The following SNTG1 variants were observed in gnomAD, a reference collection of about 807,000 sequenced individuals.
SNTG1 encodes the protein syntrophin gamma 1.
A neutral mutation model predicts 74.7 loss-of-function variants in SNTG1; 39 were observed. The ratio of observed to expected loss-of-function variants is 0.52; its 90% CI spans 0.40 to 0.68. The LOEUF (loss-of-function observed/expected upper bound fraction) is 0.68, where lower values mean the gene tolerates loss of function less well. Among genes scored for constraint, SNTG1 ranks in the 30% least tolerant of loss-of-function variants. SNTG1 has a pLI of 0.00. For missense variants in SNTG1, 685 were observed against 609.5 expected, an observed-to-expected ratio of 1.12 and a Z score of -1.30; for synonymous variants, 254 against 217.1, an observed-to-expected ratio of 1.17 and a Z score of -1.49.
chr8:50,338,667 T>C (rs936226982), intron 2 of SNTG1, among the ~76,000 whole-genome samples: 1 of 152,064 alleles, frequency 6.6e-6, no homozygotes, highest in African/African-American at 2.4e-5. Context: ...ATTATTAAAC[T>C]GGATACAGCT....
intron 13 of SNTG1, among the ~76,000 whole-genome samples, chr8:50,603,983 G>A (rs2094793798): frequency 6.6e-6 from 1 of 152,084 alleles, no homozygotes; most frequent in South Asian, 2.1e-4. Flanking sequence ...TACCACCTAG[G>A]TTCACTCAAA....
chr8:50,174,403 G>A (rs1381786446), intron 2 of SNTG1, among the ~76,000 whole-genome samples: 1 of 152,140 alleles, frequency 6.6e-6, no homozygotes, highest in Non-Finnish European at 1.5e-5. Context: ...GATCCTTGAG[G>A]AATCACCACA....
At chr8:50,144,548 TTA>T (rs1200522129) in intron 1 of SNTG1, among the ~76,000 whole-genome samples, 2 of 152,348 alleles carry the variant, frequency 1.3e-5, no homozygotes, top group Admixed American at 6.5e-5. Flanking sequence ...GGTGAGAATT[TTA>T]TATGTTTCAT....
chr8:50,519,587 A>T (rs1361800556), intron 9 of SNTG1, among the ~76,000 whole-genome samples: 2 of 152,346 alleles, frequency 1.3e-5, no homozygotes, highest in Admixed American at 1.3e-4. Flanking sequence ...CTTTAAGCTG[A>T]TAAGCTACTT....
intron 1 of SNTG1, among the ~76,000 whole-genome samples, chr8:50,095,778 G>A (rs1025384502): frequency 6.6e-6 from 1 of 152,088 alleles, no homozygotes; most frequent in African/African-American, 2.4e-5. Flanking sequence ...GAAGAAAGAT[G>A]TGGATTTTGT....
chr8:49,921,404 G>A (rs918654798), intron 1 of SNTG1, among the ~76,000 whole-genome samples: 3 of 151,984 alleles, frequency 2.0e-5, no homozygotes, highest in Admixed American at 6.6e-5. Flanking sequence ...TGGAGAGAAC[G>A]ATTTCTGAAA....
At chr8:50,184,711 CT>C (rs934650145) in intron 2 of SNTG1, among the ~76,000 whole-genome samples, 4 of 152,112 alleles carry the variant, frequency 2.6e-5, no homozygotes, top group Admixed American at 6.6e-5. Context: ...GAGTTTACCC[CT>C]GACTTGAAAT....
intron 1 of SNTG1, among the ~76,000 whole-genome samples, chr8:50,012,068 T>G (rs1269879809): frequency 6.6e-6 from 1 of 152,198 alleles, no homozygotes; most frequent in African/African-American, 2.4e-5. Flanking sequence ...TAAATATGTC[T>G]GTGGCAAAAA....
chr8:50,351,114 T>G (rs2091647122), intron 2 of SNTG1, among the ~76,000 whole-genome samples: 1 of 152,210 alleles, frequency 6.6e-6, no homozygotes, highest in Non-Finnish European at 1.5e-5. Context: ...CCTTACATGG[T>G]GTTGGCAGGT....
At chr8:50,389,393 A>G (rs2092622904) in intron 2 of SNTG1, among the ~76,000 whole-genome samples, 1 of 152,156 alleles carries the variant, frequency 6.6e-6, no homozygotes, top group South Asian at 2.1e-4. Context: ...CGATTGTATG[A>G]CATGTTCAGT....
At chr8:49,921,040 C>A (rs371837570) in intron 1 of SNTG1, among the ~76,000 whole-genome samples, 17 of 152,028 alleles carry the variant, frequency 1.1e-4, no homozygotes, top group African/African-American at 2.6e-4. Context: ...ACATAACAAC[C>A]AAATGCAGGT....
chr8:49,979,214 G>A (rs1207371055), intron 1 of SNTG1, among the ~76,000 whole-genome samples: 1 of 152,218 alleles, frequency 6.6e-6, no homozygotes, highest in African/African-American at 2.4e-5. Context: ...AGACGCCTTT[G>A]GGGCGGTGCA....
rs1181155195 is a variant in SNTG1, at chr8:50,017,518, TTTACAAGGACAC to T, written c.-103+105288_-103+105299del. Among the ~76,000 whole-genome samples, 2 of 151,886 alleles carry T rather than the reference TTTACAAGGACAC, an allele frequency of 1.3e-5. 1 individual carries two copies. Among genetic ancestry groups the T allele is most frequent in the South Asian group, 4.1e-4 (2 of 4,828 alleles). On this transcript the variant is annotated intron_variant, in intron 1 of 18. Coordinates refer to ENST00000642720, the MANE Select transcript of SNTG1 (RefSeq NM_018967.5). Reference sequence around the variant, plus strand: ...ATAAATATGATCCAATAATATGCTGTTTACAAGGACACATTTTTCATGGAAAGACACAAATAA... The same window carrying T: ...ATAAATATGATCCAATAATATGCTGTATTTTTCATGGAAAGACACAAATAA...
At chr8:50,758,542 A>G (rs538212496) in intron 18 of SNTG1, among the ~76,000 whole-genome samples, 9 of 152,010 alleles carry the variant, frequency 5.9e-5, no homozygotes, top group South Asian at 2.1e-4. Flanking sequence ...CTCATTGTTC[A>G]GCTCCCACTT....
chr8:50,032,222 T>C (rs187100809), intron 1 of SNTG1, among the ~76,000 whole-genome samples: 2 of 152,220 alleles, frequency 1.3e-5, no homozygotes, highest in Admixed American at 1.3e-4. Context: ...TCCATTCTAT[T>C]GATATTTCTG....
chr8:50,340,077 T>C (rs902889081), intron 2 of SNTG1, among the ~76,000 whole-genome samples: 6 of 152,014 alleles, frequency 3.9e-5, no homozygotes, highest in Non-Finnish European at 7.4e-5. Flanking sequence ...TTAAAGAAGA[T>C]ATAAATAAAT....
At chr8:50,431,192 G>A (rs530012424) in intron 4 of SNTG1, among the ~76,000 whole-genome samples, 86 of 152,220 alleles carry the variant, frequency 5.6e-4, no homozygotes, top group African/African-American at 1.9e-3. Context: ...AGTTCTATGG[G>A]CTTTGACAAT....
intron 1 of SNTG1, among the ~76,000 whole-genome samples, chr8:49,963,701 A>G (rs1255421600): frequency 6.6e-6 from 1 of 152,148 alleles, no homozygotes; most frequent in Admixed American, 6.5e-5. Flanking sequence ...TTTGCACTGT[A>G]CCTTCTGATG....
At chr8:50,430,495 A>T (rs1480563200) in intron 4 of SNTG1, among the ~76,000 whole-genome samples, 1 of 152,160 alleles carries the variant, frequency 6.6e-6, no homozygotes, top group Non-Finnish European at 1.5e-5. Context: ...TTCAATATAC[A>T]TGTATAATAG....
Sources: allele counts gnomAD v4.1 joint callset (sites outside exome capture counted in the v4.1 genomes callset), GRCh38; gene constraint gnomAD v4.1.1; transcripts MANE v1.5; gene names NCBI Gene and HGNC (gene_info 2026-07-23, HGNC 2026-07-21).